The following ASB7 variants were observed in gnomAD, a reference collection of about 807,000 sequenced individuals.
ASB7 encodes ankyrin repeat and SOCS box containing 7.
ASB7 carries 4 observed loss-of-function variants against 32.5 expected under a neutral mutation model. The ratio of observed to expected loss-of-function variants is 0.12; its 90% confidence interval spans 0.06 to 0.28. The LOEUF (loss-of-function observed/expected upper bound fraction) is 0.28. Ranked by LOEUF, ASB7 falls within the 10% of genes least tolerant of loss-of-function variation. The probability of loss-of-function intolerance (pLI) is 1.00; values close to 1 mark genes in which losing one functional copy is unlikely to be tolerated. For synonymous variants in ASB7, 172 were observed against 155.6 expected (o/e 1.11, Z -0.78); for missense variants, 181 against 407.1 (o/e 0.44, Z 4.78).
At chr15:100,611,244 G>A (rs2039692644) in intron 3 of ASB7, among the ~76,000 whole-genome samples, 1 of 151,986 alleles carries the variant, frequency 6.6e-6, no homozygotes, top group Admixed American at 6.6e-5. Context: ...GTAGAGACAG[G>A]GTCTCACTGT....
Position 100,602,803 on chromosome 15 carries a change from C to G in ASB7, c.-516C>G. On this transcript the variant is annotated 5_prime_UTR_variant, in exon 1 of 6. Transcript: ENST00000332783. ...TCCGAGCCCTGGACCGGGACTGCCC[C>G]CCCACCCGAGCCAGGACTTCCTCCC... The G allele has an allele frequency of 1.0e-5, 4 of 391,822 alleles. No individual in the cohort carries two copies. Among genetic ancestry groups the G allele is most frequent in the Non-Finnish European group, 1.8e-5 (4 of 222,462 alleles). The allele number at this position is 391,822 out of a possible 1,614,324, so 24.3% of individuals were successfully genotyped here.
chr15:100,629,376 G>A lies in ASB7; in HGVS notation c.212-61G>A, dbSNP rs1380406070. On this transcript the variant is annotated intron_variant, in intron 4 of 5. Coordinates refer to ENST00000332783, the MANE Select transcript of ASB7 (RefSeq NM_198243.3). The surrounding 1 kb of genome is among the most constrained non-coding windows in gnomAD (Gnocchi z 6.8). ...AATTGGCCACAGTTTGCTGTGCCAT[G>A]GTAATGTTTGTTGTTTTGTCTTGGA... 1 of 1,426,580 alleles carries A rather than the reference G, an allele frequency of 7.0e-7. No homozygotes were observed. Among genetic ancestry groups the A allele is most frequent in the African/African-American group, 1.4e-5 (1 of 70,356 alleles). 88.4% of individuals were successfully genotyped at this position (1,426,580 alleles called of 1,614,324 possible).
chr15:100,611,916 T>C (rs995644301), intron 3 of ASB7, among the ~76,000 whole-genome samples: 3 of 150,224 alleles, frequency 2.0e-5, no homozygotes, highest in African/African-American at 7.4e-5. Context: ...ATCTCCTGGG[T>C]TCAGGTCGTC....
At chr15:100,603,348 T>G in intron 2 of ASB7, 35 bp downstream of exon 2, 1 of 207,630 alleles carries the variant, frequency 4.8e-6, no homozygotes, top group East Asian at 1.1e-4. Flanking sequence ...CCGTTGTTTA[T>G]TCCTGGCCCC....
In ASB7 at chr15:100,648,465, T is replaced by A. The variant is rs770329063; in HGVS notation, c.*3T>A. On this transcript the variant is annotated 3_prime_UTR_variant, in exon 6 of 6. Transcript: ENST00000332783. ...AACACAAATTTGATGATATCTGATA[T>A]GCCAGAACTGTGAGCAAGATTAGGA... The A allele has an allele frequency of 3.1e-6, 5 of 1,600,332 alleles. No homozygotes were observed. The South Asian group carries it at 4.5e-5, about 14-fold the overall frequency.
intron 2 of ASB7, among the ~76,000 whole-genome samples, chr15:100,607,376 G>A (rs1047378555): frequency 3.3e-5 from 5 of 152,142 alleles, no homozygotes; most frequent in Middle Eastern, 3.4e-3. Flanking sequence ...CACGTGACTC[G>A]ACTCTGTCAG....
chr15:100,640,300 A>G (rs1354123943), intron 5 of ASB7, among the ~76,000 whole-genome samples: 7 of 152,074 alleles, frequency 4.6e-5, no homozygotes, highest in Middle Eastern at 3.2e-3. Context: ...ACGTGCCACC[A>G]TACCCAGCTA....
In ASB7 at chr15:100,648,561, G is replaced by A. The variant is rs902736135; in HGVS notation, c.*99G>A. 7 of 1,044,884 alleles carry A rather than the reference G, an allele frequency of 6.7e-6. No homozygotes were observed. Among genetic ancestry groups the A allele is most frequent in the Middle Eastern group, 2.8e-4 (1 of 3,532 alleles). The allele number at this position is 1,044,884 out of a possible 1,614,324, so 64.7% of individuals were successfully genotyped here. A position where few individuals can be genotyped will look rare whatever the true frequency, so the allele number is the denominator to read the frequency against. ...TATCCTATGCAATTTCTGATTTGCT[G>A]TGAAATCAGAAAGCAGGTATACACT... is the stretch of plus-strand genomic sequence containing the variant. On this transcript the variant is annotated 3_prime_UTR_variant, in exon 6 of 6. Transcript: ENST00000332783.
At chr15:100,634,379 A>G (rs1297250073) in intron 5 of ASB7, among the ~76,000 whole-genome samples, 1 of 152,254 alleles carries the variant, frequency 6.6e-6, no homozygotes, top group Non-Finnish European at 1.5e-5. Flanking sequence ...TTGTTCAAAG[A>G]GAAGTAGGAG....
chr15:100,606,109 G>T (rs1235668481), intron 2 of ASB7, among the ~76,000 whole-genome samples: 1 of 152,076 alleles, frequency 6.6e-6, no homozygotes, highest in African/African-American at 2.4e-5. Flanking sequence ...TCTCAGCCAT[G>T]TTCTCCGTTT....
chr15:100,641,808 C>T (rs2141406785), intron 5 of ASB7, among the ~76,000 whole-genome samples: 1 of 152,338 alleles, frequency 6.6e-6, no homozygotes, highest in East Asian at 1.9e-4. Flanking sequence ...TTACCTGGTA[C>T]TTAGTATGTG....
intron 4 of ASB7, among the ~76,000 whole-genome samples, chr15:100,614,721 C>T (rs939751195): frequency 7.4e-6 from 1 of 134,682 alleles, no homozygotes; most frequent in African/African-American, 2.8e-5. Context: ...AATGCACTAA[C>T]ACTTAACAAC....
chr15:100,632,007 G>T (rs1485731205), intron 5 of ASB7, among the ~76,000 whole-genome samples: 2 of 152,230 alleles, frequency 1.3e-5, no homozygotes, highest in African/African-American at 4.8e-5. Flanking sequence ...CAGCCACGTG[G>T]CCGAGAGGAG....
intron 4 of ASB7, among the ~76,000 whole-genome samples, chr15:100,624,394 A>G (rs907743585): frequency 2.0e-5 from 3 of 152,258 alleles, no homozygotes; most frequent in African/African-American, 7.2e-5. Context: ...CATTCTGTGC[A>G]TGTAATAGAT....
intron 5 of ASB7, among the ~76,000 whole-genome samples, chr15:100,639,758 A>T (rs1023181394): frequency 3.9e-5 from 6 of 152,236 alleles, no homozygotes; most frequent in African/African-American, 1.4e-4. Flanking sequence ...TAAATAGTAC[A>T]CAATTTTTGG....
intron 4 of ASB7, among the ~76,000 whole-genome samples, chr15:100,624,129 A>T (rs1304526107): frequency 6.6e-6 from 1 of 152,218 alleles, no homozygotes; most frequent in Non-Finnish European, 1.5e-5. Context: ...TAGAGAATAG[A>T]AGATAGAAAA....
intron 4 of ASB7, among the ~76,000 whole-genome samples, chr15:100,622,921 T>C (rs2039806228): frequency 6.6e-6 from 1 of 152,098 alleles, no homozygotes; most frequent in Non-Finnish European, 1.5e-5. Flanking sequence ...AACTAAAACA[T>C]AGGCAAATGG....
At chr15:100,647,616 G>A (rs2040005154) in intron 5 of ASB7, among the ~76,000 whole-genome samples, 8 of 152,172 alleles carry the variant, frequency 5.3e-5, no homozygotes, top group Admixed American at 5.2e-4. Flanking sequence ...TTATTGGCAA[G>A]TGATCAGGGT....
chr15:100,641,458 T>C (rs1198132496), intron 5 of ASB7, among the ~76,000 whole-genome samples: 1 of 152,216 alleles, frequency 6.6e-6, no homozygotes, highest in Non-Finnish European at 1.5e-5. Context: ...CACTCAGCAA[T>C]ACTGGTACAT....
Sources: gnomAD v4.1 joint callset for allele counts (sites outside exome capture counted in the v4.1 genomes callset) on GRCh38, gnomAD v4.1.1 for gene constraint, Gnocchi (gnomAD v3.1) non-coding constraint, MANE v1.5 for transcripts, NCBI Gene and HGNC (gene_info 2026-07-23, HGNC 2026-07-21) for gene names.